SLC17A6: variants seen among roughly 807,000 people sequenced by gnomAD.
The protein encoded by SLC17A6 is solute carrier family 17 member 6, also known as vesicular glutamate transporter 2.
Under a neutral mutation model 67.1 loss-of-function variants are expected in SLC17A6, and 35 were observed. That is an observed-to-expected ratio of 0.52 (90% CI 0.40 to 0.69). The LOEUF is 0.69. SLC17A6 is among the 30% of genes least tolerant of loss of function. The probability of loss-of-function intolerance (pLI) is 0.00; values close to 1 mark genes in which losing one functional copy is unlikely to be tolerated. For synonymous variants in SLC17A6, 285 were observed against 252.3 expected (o/e 1.13, Z -1.23); for missense variants, 588 against 723.9 (o/e 0.81, Z 2.15).
intron 3 of SLC17A6, among the ~76,000 whole-genome samples, chr11:22,354,531 G>T (rs985930340): frequency 4.6e-5 from 7 of 152,088 alleles, no homozygotes; most frequent in African/African-American, 7.2e-5. Flanking sequence ...AAGAGAGATG[G>T]GGTAGAATTC....
chr11:22,377,533 A>G lies in SLC17A6; in HGVS notation c.1542A>G (p.Glu514=), dbSNP rs751423639. The change falls in exon 12 of 12, where the codon GAA becomes GAG. Residue 514 remains glutamate (E), a synonymous_variant. Transcript: ENST00000263160. ...PWADPEETSE[E]KCGFIHEDEL... is the part of the protein sequence containing the mutation. ...CAGACCCGGAGGAAACAAGTGAAGA[A>G]AAATGTGGATTTATTCATGAAGATG... 30 of 1,614,068 alleles carry G rather than the reference A, an allele frequency of 1.9e-5. No individual in the cohort carries two copies. The Admixed American group carries it at 4.5e-4, about 24-fold the overall frequency.
At position 22,345,981 on chromosome 11, in the gene SLC17A6, C is replaced by T. The variant is rs548861079; in HGVS notation, c.458+2616C>T. Among the ~76,000 whole-genome samples, 6 of 152,204 alleles carry T rather than the reference C, an allele frequency of 3.9e-5. No homozygotes were observed. The East Asian group carries it at 5.8e-4, about 15-fold the overall frequency. On this transcript the variant is annotated intron_variant, in intron 3 of 11. Coordinates refer to ENST00000263160, the MANE Select transcript of SLC17A6 (RefSeq NM_020346.3). ...AGATTTTTACAAGTTGTTTGAAAGA[C>T]GTATATTTCCTATTATGATCTCTTT...
intron 10 of SLC17A6, among the ~76,000 whole-genome samples, chr11:22,376,325 T>C (rs923936592): frequency 1.3e-5 from 2 of 152,166 alleles, no homozygotes; most frequent in Non-Finnish European, 2.9e-5. Flanking sequence ...TAAGAAAACA[T>C]TACCTCTTCT....
At chr11:22,354,410 A>C (rs1013991743) in intron 3 of SLC17A6, among the ~76,000 whole-genome samples, 3 of 152,142 alleles carry the variant, frequency 2.0e-5, no homozygotes, top group African/African-American at 7.2e-5. Flanking sequence ...ATTCTTTTTC[A>C]TATTCAGTTC....
rs753496281 is a variant in SLC17A6, at chr11:22,338,552, A to C, written c.19A>C (p.Arg7=). Reference sequence around the variant, plus strand: ...TGCAAGAATGGAATCCGTAAAACAAAGGATTTTGGCCCCAGGAAAAGAGGG... The same window carrying C: ...TGCAAGAATGGAATCCGTAAAACAACGGATTTTGGCCCCAGGAAAAGAGGG... The part of the protein sequence containing the change: MESVKQ[R]ILAPGKEGLK... Residue 7 remains arginine (R), a synonymous_variant, in exon 1 of 12, where the codon AGG becomes CGG. Transcript: ENST00000263160. The C allele has an allele frequency of 1.2e-5, 20 of 1,613,352 alleles. No homozygotes were observed. Among genetic ancestry groups the C allele is most frequent in the Admixed American group, 5.0e-5 (3 of 59,948 alleles).
At chr11:22,376,404 C>A (rs1268896266) in intron 10 of SLC17A6, 141 bp from the exon 11 acceptor site, 2 of 868,900 alleles carry the variant, frequency 2.3e-6, no homozygotes, top group East Asian at 2.6e-5. Context: ...TCATTATATC[C>A]CCGAGAGAAA....
At chr11:22,374,611 G>A (rs899888760) in intron 8 of SLC17A6, 144 bp from the exon 9 acceptor site, 1 of 636,882 alleles carries the variant, frequency 1.6e-6, no homozygotes, top group Non-Finnish European at 2.5e-6. Context: ...CTTTTTCTAG[G>A]AATGAGTAAG....
intron 7 of SLC17A6, among the ~76,000 whole-genome samples, chr11:22,369,259 G>A (rs1856146846): frequency 6.6e-6 from 1 of 151,862 alleles, no homozygotes; most frequent in South Asian, 2.1e-4. Flanking sequence ...CTTACATTTT[G>A]GCATACACTG....
At chr11:22,339,332 T>A (rs888430586) in intron 1 of SLC17A6, among the ~76,000 whole-genome samples, 5 of 151,434 alleles carry the variant, frequency 3.3e-5, no homozygotes, top group South Asian at 2.1e-4. Context: ...GTTGAAGCAA[T>A]TCCTTTCTCT....
chr11:22,348,973 T>C (rs1222463472), intron 3 of SLC17A6, among the ~76,000 whole-genome samples: 1 of 152,184 alleles, frequency 6.6e-6, no homozygotes, highest in Non-Finnish European at 1.5e-5. Flanking sequence ...AGTAAAGATG[T>C]GCTTTTATTT....
At chr11:22,349,545 T>A (rs1450037705) in intron 3 of SLC17A6, among the ~76,000 whole-genome samples, 1 of 152,236 alleles carries the variant, frequency 6.6e-6, no homozygotes, top group Non-Finnish European at 1.5e-5. Flanking sequence ...TACCCCTTAC[T>A]AGCTCTGGCT....
Position 22,379,491 on chromosome 11 carries a change from CT to C in SLC17A6, c.*1758del, listed in dbSNP as rs35743767. Reference sequence around the variant, plus strand: ...GTGTTAATAAAATGCTCTATTTATCCTTTTTTTAAAAAGCAGTGCATTAATC... The same window carrying C: ...GTGTTAATAAAATGCTCTATTTATCCTTTTTTAAAAAGCAGTGCATTAATC... On this transcript the variant is annotated 3_prime_UTR_variant, in exon 12 of 12. Coordinates refer to ENST00000263160, the MANE Select transcript of SLC17A6 (RefSeq NM_020346.3). The C allele has an allele frequency of 0.24, 37,203 of 152,228 alleles. 5,027 individuals are homozygous for C. The highest frequency in any genetic ancestry group is 0.36 in the African/African-American group (14,821 of 41,364). 9.4% of individuals were successfully genotyped at this position (152,228 alleles called of 1,614,324 possible).
At chr11:22,344,774 C>A (rs575744699) in intron 3 of SLC17A6, among the ~76,000 whole-genome samples, 13 of 152,112 alleles carry the variant, frequency 8.5e-5, no homozygotes, top group Admixed American at 7.9e-4. Flanking sequence ...TGTGGTAAAT[C>A]AAACAAAACA....
intron 2 of SLC17A6, 65 bp downstream of exon 2, chr11:22,341,845 C>G (rs889233997): frequency 2.9e-5 from 46 of 1,559,336 alleles, no homozygotes; most frequent in Non-Finnish European, 3.9e-5. Flanking sequence ...AACCACATCT[C>G]CTGTTTGAGC....
chr11:22,359,730 C>T (rs960919499), intron 4 of SLC17A6, among the ~76,000 whole-genome samples: 1 of 152,110 alleles, frequency 6.6e-6, no homozygotes, highest in African/African-American at 2.4e-5. Context: ...CACTGCTTAT[C>T]TCCTTCTCTC....
At chr11:22,343,766 G>A (rs1855845822) in intron 3 of SLC17A6, among the ~76,000 whole-genome samples, 2 of 152,294 alleles carry the variant, frequency 1.3e-5, no homozygotes, top group African/African-American at 2.4e-5. Flanking sequence ...AGGCTCCCAG[G>A]CTCCCCGAGG....
chr11:22,377,803 A>C lies in SLC17A6; in HGVS notation c.*63A>C, dbSNP rs1856249101. On this transcript the variant is annotated 3_prime_UTR_variant, in exon 12 of 12. Coordinates refer to ENST00000263160, the MANE Select transcript of SLC17A6 (RefSeq NM_020346.3). ...TTAAATTCATTGTGATTGCACAAAA[A>C]TTTTAAAAACACGTGATGTAAACTT... 4 of 1,373,096 alleles carry C rather than the reference A, an allele frequency of 2.9e-6. No homozygotes were observed. The highest frequency in any genetic ancestry group is 3.9e-6 in the Non-Finnish European group (4 of 1,022,776). 85.1% of individuals were successfully genotyped at this position (1,373,096 alleles called of 1,614,324 possible).
intron 5 of SLC17A6, among the ~76,000 whole-genome samples, chr11:22,361,963 T>C (rs1224331052): frequency 1.3e-5 from 2 of 152,192 alleles, no homozygotes; most frequent in African/African-American, 4.8e-5. Context: ...CATTTGAATT[T>C]ACATGCATTT....
At chr11:22,348,599 A>T (rs1471812983) in intron 3 of SLC17A6, among the ~76,000 whole-genome samples, 1 of 152,196 alleles carries the variant, frequency 6.6e-6, no homozygotes. Flanking sequence ...AATTGCAGAG[A>T]TTTGAACATG....
Sources: allele counts gnomAD v4.1 joint callset (sites outside exome capture counted in the v4.1 genomes callset), GRCh38; gene constraint gnomAD v4.1.1; transcripts MANE v1.5; gene names NCBI Gene and HGNC (gene_info 2026-07-23, HGNC 2026-07-21).